Variants in TENM3 observed in about 807,000 individuals in gnomAD.
TENM3 encodes the protein teneurin-3.
In TENM3, 63 loss-of-function variants were observed where a neutral mutation model predicts 255.1. The ratio of observed to expected loss-of-function variants is 0.25; its 90% CI spans 0.20 to 0.30. The LOEUF (loss-of-function observed/expected upper bound fraction) is 0.30, where lower values mean the gene tolerates loss of function less well. Among genes scored for constraint, TENM3 ranks in the 10% least tolerant of loss-of-function variants. The probability of loss-of-function intolerance (pLI) is 1.00; values close to 1 mark genes in which losing one functional copy is unlikely to be tolerated. For missense variants in TENM3, 2,929 were observed against 3,461.1 expected, an observed-to-expected ratio of 0.85 and a Z score of 3.86; for synonymous variants, 1,306 against 1,322.3, an observed-to-expected ratio of 0.99 and a Z score of 0.27.
the TENM3 span, among the ~76,000 whole-genome samples, chr4:181,647,335 C>T: frequency 7.2e-5 from 11 of 152,102 alleles, no homozygotes; most frequent in Non-Finnish European, 1.5e-4. Flanking sequence ...CTATAAAGCT[C>T]CCAAAACAAA....
the TENM3 span, among the ~76,000 whole-genome samples, chr4:181,901,685 C>T: frequency 6.6e-6 from 1 of 152,204 alleles, no homozygotes; most frequent in African/African-American, 2.4e-5. Context: ...TTTCCACTTT[C>T]TTTCCAGCTG....
intron 1 of TENM3, among the ~76,000 whole-genome samples, chr4:182,193,604 A>G (rs1043587815): frequency 6.6e-6 from 1 of 152,226 alleles, no homozygotes. Context: ...TCATCTGAGC[A>G]GCATTTTCAT....
At chr4:182,702,824 A>G (rs1012325271) in intron 12 of TENM3, among the ~76,000 whole-genome samples, 5 of 148,242 alleles carry the variant, frequency 3.4e-5, no homozygotes, top group East Asian at 2.0e-4. Context: ...TGCAAGCTCC[A>G]CCTCCCGGGT....
the TENM3 span, among the ~76,000 whole-genome samples, chr4:181,473,860 T>C: frequency 7.0e-6 from 1 of 142,872 alleles, no homozygotes; most frequent in Admixed American, 8.0e-5. Context: ...GTATATATTC[T>C]GTGTATAAAA....
At chr4:182,264,466 T>C (rs1331383290) in intron 1 of TENM3, among the ~76,000 whole-genome samples, 11 of 152,244 alleles carry the variant, frequency 7.2e-5, no homozygotes, top group Admixed American at 5.9e-4. Context: ...GTCATAGTTA[T>C]CTCTAAAAAT....
chr4:182,250,475 A>G (rs1324541062), intron 1 of TENM3, among the ~76,000 whole-genome samples: 8 of 152,146 alleles, frequency 5.3e-5, no homozygotes, highest in African/African-American at 1.9e-4. Context: ...TAACTTACCT[A>G]AGGTAACACA....
At chr4:182,783,905 A>G (rs975147874) in intron 24 of TENM3, among the ~76,000 whole-genome samples, 1 of 151,986 alleles carries the variant, frequency 6.6e-6, no homozygotes, top group South Asian at 2.1e-4. Context: ...TTTCAGCTCC[A>G]TCAGCTCCTT....
chr4:182,271,756 C>T (rs1200117339), intron 1 of TENM3, among the ~76,000 whole-genome samples: 1 of 152,016 alleles, frequency 6.6e-6, no homozygotes, highest in African/African-American at 2.4e-5. Flanking sequence ...CGTTATTATC[C>T]CTGTATTATA....
chr4:182,692,833 G>A (rs1050175096), intron 12 of TENM3, among the ~76,000 whole-genome samples: 52 of 151,964 alleles, frequency 3.4e-4, no homozygotes, highest in African/African-American at 1.2e-3. Context: ...AGCTTAAGGA[G>A]TATTTTTAGA....
intron 1 of TENM3, among the ~76,000 whole-genome samples, chr4:182,172,378 A>G (rs1303361391): frequency 1.3e-5 from 2 of 152,166 alleles, no homozygotes; most frequent in Non-Finnish European, 2.9e-5. Flanking sequence ...CTAATTCGGT[A>G]CCAAAGGAGA....
intron 3 of TENM3, among the ~76,000 whole-genome samples, chr4:182,443,079 A>T (rs994378912): frequency 6.6e-6 from 1 of 152,144 alleles, no homozygotes; most frequent in Non-Finnish European, 1.5e-5. Flanking sequence ...TTGGAAACAG[A>T]TGGTCCAGAT....
chr4:182,170,523 C>T (rs1002994318), intron 1 of TENM3, among the ~76,000 whole-genome samples: 12 of 152,068 alleles, frequency 7.9e-5, no homozygotes, highest in Non-Finnish European at 1.5e-4. Flanking sequence ...TAAATATACA[C>T]GCTGATAGAC....
intron 3 of TENM3, among the ~76,000 whole-genome samples, chr4:182,385,262 C>CTT (rs397762118): frequency 0.14 from 15,624 of 111,998 alleles, 1,970 homozygotes; most frequent in African/African-American, 0.25. Flanking sequence ...TATTGTGCGT[C>CTT]TTTTTTTTTT....
intron 3 of TENM3, among the ~76,000 whole-genome samples, chr4:182,367,970 A>G (rs1766543553): frequency 6.6e-6 from 1 of 152,174 alleles, no homozygotes; most frequent in Non-Finnish European, 1.5e-5. Flanking sequence ...AAAATACTAC[A>G]TCATACTAGC....
intron 1 of TENM3, among the ~76,000 whole-genome samples, chr4:182,176,155 A>C (rs76382885): frequency 1.3e-5 from 2 of 151,752 alleles, no homozygotes; most frequent in Admixed American, 1.3e-4. Flanking sequence ...AAAAGACACA[A>C]TGAGTGTAGG....
intron 5 of TENM3, among the ~76,000 whole-genome samples, chr4:182,641,652 C>T (rs547181347): frequency 1.1e-4 from 17 of 152,072 alleles, no homozygotes; most frequent in East Asian, 1.9e-4. Flanking sequence ...CTCAGCCTCC[C>T]GAGTAGCTGG....
chr4:181,748,093 A>G, the TENM3 span, among the ~76,000 whole-genome samples: 2 of 152,010 alleles, frequency 1.3e-5, no homozygotes, highest in Admixed American at 6.6e-5. Flanking sequence ...CTCCTCCCCA[A>G]GGATTCTCCT....
chr4:182,341,787 A>G (rs1204882410), intron 2 of TENM3, among the ~76,000 whole-genome samples: 1 of 152,246 alleles, frequency 6.6e-6, no homozygotes, highest in African/African-American at 2.4e-5. Context: ...TGAAAGCAGC[A>G]TAATAGAAGG....
rs111609644 is a variant in TENM3, at chr4:182,498,840, A to G, written c.512-102084A>G. Among the ~76,000 whole-genome samples, 17 of 149,000 alleles carry G rather than the reference A, an allele frequency of 1.1e-4. 1 individual carries two copies. Among genetic ancestry groups the G allele is most frequent in the African/African-American group, 3.9e-4 (16 of 41,294 alleles). ...ATTGCACTCCATCTTAGGCAGCAAG[A>G]GTGAAACTCCATCTAAAAAAAAAAA... On this transcript the variant is annotated intron_variant, in intron 3 of 27. Transcript: ENST00000511685.
Sources: allele counts gnomAD v4.1 joint callset (sites outside exome capture counted in the v4.1 genomes callset), GRCh38; gene constraint gnomAD v4.1.1; transcripts MANE v1.5; gene names NCBI Gene and HGNC (gene_info 2026-07-23, HGNC 2026-07-21).